The following IL6R variants were observed in gnomAD, a reference collection of about 807,000 sequenced individuals.
The protein encoded by IL6R is interleukin-6 receptor subunit alpha.
Under a neutral mutation model 48.3 loss-of-function variants are expected in IL6R, and 38 were observed. The ratio of observed to expected loss-of-function variants is 0.79; its 90% CI spans 0.61 to 1.03. The LOEUF (loss-of-function observed/expected upper bound fraction) is 1.03. Ranked by LOEUF, IL6R falls within the 50% of genes least tolerant of loss-of-function variation. IL6R has a pLI of 0.00. For synonymous variants in IL6R, 264 were observed against 256.2 expected (o/e 1.03, Z -0.29); for missense variants, 534 against 618.3 (o/e 0.86, Z 1.45).
intron 9 of IL6R, 39 bp downstream of exon 9, chr1:154,454,620 A>G: frequency 1.5e-6 from 2 of 1,329,250 alleles, no homozygotes; most frequent in South Asian, 1.2e-5. Flanking sequence ...TGGTGTTCTC[A>G]TATTTCTTAT....
chr1:154,411,786 T>G (rs1688033535), intron 1 of IL6R, among the ~76,000 whole-genome samples: 1 of 152,092 alleles, frequency 6.6e-6, no homozygotes, highest in Admixed American at 6.5e-5. Context: ...GAGGATCACT[T>G]GAGCCCAGGA....
chr1:154,456,841 A>G (rs1008244057), intron 9 of IL6R, among the ~76,000 whole-genome samples: 1 of 152,092 alleles, frequency 6.6e-6, no homozygotes, highest in Non-Finnish European at 1.5e-5. Flanking sequence ...TGGGGATCCA[A>G]GGTGAAAAGT....
At chr1:154,440,193 T>C (rs1689855091) in intron 6 of IL6R, among the ~76,000 whole-genome samples, 1 of 152,220 alleles carries the variant, frequency 6.6e-6, no homozygotes, top group African/African-American at 2.4e-5. Context: ...CTTAGCATAA[T>C]GTCCTCAAGG....
chr1:154,467,645 A>T lies in IL6R; in HGVS notation c.*2265A>T, dbSNP rs1691619557. 6.6e-6 allele frequency: 1 copy of T among 152,340 alleles called. No homozygotes were observed. Among genetic ancestry groups the T allele is most frequent in the Non-Finnish European group, 1.5e-5 (1 of 68,144 alleles). The allele number at this position is 152,340 out of a possible 1,614,324, so 9.4% of individuals were successfully genotyped here. ...GCCGGGCGCGGTGGCTCACGCCTGT[A>T]ATCCTAGCACTTTGGGAGGCCAAGG... On this transcript the variant is annotated 3_prime_UTR_variant, in exon 10 of 10. Coordinates refer to ENST00000368485, the MANE Select transcript of IL6R (RefSeq NM_000565.4).
In IL6R at chr1:154,430,315, G is replaced by A. The variant is rs151070469; in HGVS notation, c.335-168G>A. 2.0e-5 allele frequency among the ~76,000 whole-genome samples: 3 copies of A among 152,276 alleles called. No homozygotes were observed. In the East Asian group the frequency reaches 5.8e-4, roughly 29 times the overall value. On this transcript the variant is annotated intron_variant, in intron 2 of 9. Transcript: ENST00000368485. ...TGGTGTCCTTTAATTTCCCAGCTGC[G>A]ATTCCATTCATGTGTGGCTGAGTGT... is the stretch of plus-strand genomic sequence containing the variant.
chr1:154,410,857 C>T (rs750939294), intron 1 of IL6R, among the ~76,000 whole-genome samples: 8 of 152,164 alleles, frequency 5.3e-5, no homozygotes, highest in African/African-American at 1.7e-4. Context: ...TTTGGTCTTC[C>T]CTCTCTATAT....
chr1:154,452,659 G>A (rs7526131), intron 8 of IL6R, among the ~76,000 whole-genome samples: 91,145 of 151,712 alleles, frequency 0.6, 28,002 homozygotes, highest in African/African-American at 0.71. Flanking sequence ...GTGAAACCCC[G>A]TCTCTACTAA....
chr1:154,433,107 C>T (rs1689397200), intron 3 of IL6R, among the ~76,000 whole-genome samples: 1 of 152,196 alleles, frequency 6.6e-6, no homozygotes, highest in African/African-American at 2.4e-5. Context: ...GTAAAGCAGT[C>T]GGTGACCCTG....
In IL6R at chr1:154,421,176, C is replaced by T. The variant is rs144321955; in HGVS notation, c.86-8020C>T. ...TGCGCTGCTTCATGATGCACAGGAG[C>T]CAAGGAGGGGCAGGGGACAGTCGGT... On this transcript the variant is annotated intron_variant, in intron 1 of 9. Coordinates refer to ENST00000368485, the MANE Select transcript of IL6R (RefSeq NM_000565.4). Among the ~76,000 whole-genome samples, 513 of 152,284 alleles carry T rather than the reference C, an allele frequency of 3.4e-3. 2 individuals are homozygous for T. The highest frequency in any genetic ancestry group is 0.012 in the African/African-American group (495 of 41,538).
In IL6R at chr1:154,405,642, G is replaced by C. The variant is rs1315405835; in HGVS notation, c.13G>C (p.Gly5Arg). Residue 5 changes from glycine to arginine, a missense_variant, in exon 1 of 10, where the codon GGC becomes CGC. By Grantham distance (125) the Gly-to-Arg change is moderately radical. Transcript: ENST00000368485. The surrounding 1 kb of genome is among the most constrained non-coding windows in gnomAD (Gnocchi z 5.2). The stretch of plus-strand genomic sequence containing the variant: ...CCGAGGAGGAAGCATGCTGGCCGTC[G>C]GCTGCGCGCTGCTGGCTGCCCTGCT... MLAV[G>R]CALLAALLAA... 2.0e-6 allele frequency: 3 copies of C among 1,533,352 alleles called. No individual in the cohort carries two copies. The highest frequency in any genetic ancestry group is 1.2e-5 in the South Asian group (1 of 84,094). The allele number at this position is 1,533,352 out of a possible 1,614,324, so 95.0% of individuals were successfully genotyped here.
At chr1:154,420,081 G>A (rs1688568048) in intron 1 of IL6R, among the ~76,000 whole-genome samples, 1 of 152,128 alleles carries the variant, frequency 6.6e-6, no homozygotes, top group Non-Finnish European at 1.5e-5. Context: ...AGGAATGGGA[G>A]GCAAGGGAGG....
rs765152700 is a variant in IL6R, at chr1:154,450,018, G to A, written c.1066+38G>A. ...TATTTTCATATTCCCAGGGTCCGAG[G>A]GACAGAAGATTTGTCTCTGCAGAAA... is the stretch of plus-strand genomic sequence containing the variant. On this transcript the variant is annotated intron_variant, in intron 8 of 9. Transcript: ENST00000368485. 4 of 1,319,182 alleles carry A rather than the reference G, an allele frequency of 3.0e-6. No homozygotes were observed. The South Asian group carries it at 3.5e-5, about 12-fold the overall frequency. 81.7% of individuals were successfully genotyped at this position (1,319,182 alleles called of 1,614,324 possible).
At chr1:154,424,170 G>A (rs866440962) in intron 1 of IL6R, among the ~76,000 whole-genome samples, 1 of 152,290 alleles carries the variant, frequency 6.6e-6, no homozygotes, top group South Asian at 2.1e-4. Flanking sequence ...CCTGCAAACC[G>A]TGCGCCTGGG....
At chr1:154,447,522 C>CAT (rs1244205626) in intron 6 of IL6R, among the ~76,000 whole-genome samples, 1 of 128,026 alleles carries the variant, frequency 7.8e-6, no homozygotes, top group African/African-American at 3.0e-5. Flanking sequence ...TACACACATA[C>CAT]ATATATATAC....
At chr1:154,414,548 A>C in intron 1 of IL6R, 1 of 755,000 alleles carries the variant, frequency 1.3e-6, no homozygotes, top group Non-Finnish European at 2.3e-6. Context: ...GAAGAAGAGG[A>C]TCTGGTGGCC....
intron 6 of IL6R, among the ~76,000 whole-genome samples, chr1:154,439,592 G>A (rs1689819821): frequency 1.3e-5 from 2 of 152,194 alleles, no homozygotes; most frequent in Non-Finnish European, 2.9e-5. Flanking sequence ...TGGGATTACA[G>A]GCGTGAGCCA....
At chr1:154,454,315 G>A in intron 8 of IL6R, 173 bp from the exon 9 acceptor site, 1 of 603,754 alleles carries the variant, frequency 1.7e-6, no homozygotes, top group South Asian at 2.0e-5. Flanking sequence ...AGTTAAGCTT[G>A]TCAAATGGCC....
chr1:154,418,786 G>A (rs1688495895), intron 1 of IL6R, among the ~76,000 whole-genome samples: 1 of 152,114 alleles, frequency 6.6e-6, no homozygotes, highest in African/African-American at 2.4e-5. Context: ...TACACGCTGC[G>A]GCTGTGGGGG....
intron 9 of IL6R, among the ~76,000 whole-genome samples, chr1:154,462,332 A>G (rs1691305966): frequency 6.6e-6 from 1 of 150,900 alleles, no homozygotes. Flanking sequence ...ACTATAACAC[A>G]GGCATTCTTT....
Sources: gnomAD v4.1 joint callset for allele counts (sites outside exome capture counted in the v4.1 genomes callset) on GRCh38, gnomAD v4.1.1 for gene constraint, Gnocchi (gnomAD v3.1) non-coding constraint, MANE v1.5 for transcripts, NCBI Gene and HGNC (gene_info 2026-07-23, HGNC 2026-07-21) for gene names.